Variants in RNF213 observed in about 807,000 individuals in gnomAD.
The protein encoded by RNF213 is ring finger protein 213.
In RNF213, 341 loss-of-function variants were observed where a neutral mutation model predicts 514.4. The ratio of observed to expected loss-of-function variants is 0.66; its 90% confidence interval spans 0.61 to 0.73. The LOEUF (loss-of-function observed/expected upper bound fraction) is 0.73. Ranked by LOEUF, RNF213 falls within the 30% of genes least tolerant of loss-of-function variation. RNF213 has a pLI of 0.00. For synonymous variants in RNF213, 2,655 were observed against 2,658.2 expected, an observed-to-expected ratio of 1.00 and a Z score of 0.04; for missense variants, 5,767 against 6,615.6, an observed-to-expected ratio of 0.87 and a Z score of 4.45.
At chr17:80,304,588 C>T (rs550910645) in intron 11 of RNF213, among the ~76,000 whole-genome samples, 79 of 151,416 alleles carry the variant, frequency 5.2e-4, no homozygotes, top group African/African-American at 1.7e-3. Flanking sequence ...TGCAGTGAGC[C>T]GAGATCACAC....
At chr17:80,267,571 A>C (rs960919037) in intron 2 of RNF213, among the ~76,000 whole-genome samples, 8 of 152,240 alleles carry the variant, frequency 5.3e-5, no homozygotes, top group Non-Finnish European at 1.2e-4. Flanking sequence ...CTTAAACCAC[A>C]GCCGAATCCA....
chr17:80,305,914 C>T (rs146838631), intron 11 of RNF213, among the ~76,000 whole-genome samples: 6 of 151,966 alleles, frequency 3.9e-5, no homozygotes, highest in African/African-American at 7.2e-5. Context: ...CCACCACGCC[C>T]GGCCATTAAG....
At chr17:80,331,098 C>T (rs772098318) in intron 20 of RNF213, among the ~76,000 whole-genome samples, 10 of 152,216 alleles carry the variant, frequency 6.6e-5, no homozygotes, top group South Asian at 2.1e-4. Flanking sequence ...GGATTACGGG[C>T]GTGAGCCACT....
intron 11 of RNF213, 109 bp from the exon 12 acceptor site, chr17:80,306,143 A>G: frequency 2.7e-6 from 3 of 1,096,874 alleles, no homozygotes; most frequent in Non-Finnish European, 4.2e-6. Context: ...TAGTATTTAA[A>G]TCATTTTTGA....
chr17:80,328,231 C>T (rs767581628), intron 19 of RNF213, 97 bp from the exon 20 acceptor site: 17 of 1,372,948 alleles, frequency 1.2e-5, no homozygotes, highest in Non-Finnish European at 1.6e-5. Flanking sequence ...AGTCCTTCTC[C>T]TGGTGGCGGG....
chr17:80,327,472 C>A (rs540481629), intron 18 of RNF213, among the ~76,000 whole-genome samples: 1 of 149,252 alleles, frequency 6.7e-6, no homozygotes, highest in Non-Finnish European at 1.5e-5. Context: ...CAGAGAGAGA[C>A]CCTGTCAAAA....
rs749374273 is a variant in RNF213 at position 80,353,980 on chromosome 17, A to T, written c.10579-39A>T. 6 of 1,612,924 alleles carry T rather than the reference A, an allele frequency of 3.7e-6. No individual in the cohort carries two copies. In the African/African-American group the frequency reaches 6.7e-5, roughly 18 times the overall value. On this transcript the variant is annotated intron_variant, in intron 34 of 67. Coordinates refer to ENST00000582970, the MANE Select transcript of RNF213 (RefSeq NM_001256071.3). This position sits in a 1 kb window ranked among gnomAD's most constrained non-coding sequence, Gnocchi z 5.0. ...CGGTTTGGCTTTTGCCCACTGTGTCAGTGGCAGAAACGGATGACCCAACCG... is the reference window on the plus strand; with the variant it reads ...CGGTTTGGCTTTTGCCCACTGTGTCTGTGGCAGAAACGGATGACCCAACCG...
In RNF213 at chr17:80,288,220, C is replaced by A; in HGVS notation, c.667C>A (p.Pro223Thr). Reference protein sequence around the residue: ...GRGLSQEGTGPPTSAGEGHSR... With the variant: ...GRGLSQEGTGTPTSAGEGHSR... ...AGGCCTGTCCCAGGAGGGGACCGGT[C>A]CCCCCACCTCTGCTGGTGAAGGCCA... The change falls in exon 4 of 68, where the codon CCC becomes ACC. Residue 223 changes from proline (P) to threonine (T), a missense_variant. Around this residue, in one of 13 missense-constraint regions of RNF213, gnomAD observed 509 missense variants for 496.7 expected, o/e 1.02. Transcript: ENST00000582970. The surrounding 1 kb of genome is among the most constrained non-coding windows in gnomAD (Gnocchi z 4.9). 1 of 1,613,054 alleles carries A rather than the reference C, an allele frequency of 6.2e-7. No homozygotes were observed. The highest frequency in any genetic ancestry group is 2.2e-5 in the East Asian group (1 of 44,868).
Position 80,290,715 on chromosome 17 carries a change from C to T in RNF213, c.1258C>T (p.Leu420=). The change falls in exon 7 of 68, where the codon CTG becomes TTG. Residue 420 remains leucine, a synonymous_variant. Coordinates refer to ENST00000582970, the MANE Select transcript of RNF213 (RefSeq NM_001256071.3). Reference sequence around the variant, plus strand: ...AAAATGGGACAGCAATATCTGTGAGCTGCACTACACCAGGTGAGCGTGTCT... The same window carrying T: ...AAAATGGGACAGCAATATCTGTGAGTTGCACTACACCAGGTGAGCGTGTCT... ...ESKWDSNICE[L]HYTRDLGHDR... is the part of the protein sequence containing the mutation. 6.2e-7 allele frequency: 1 copy of T among 1,614,180 alleles called. No homozygotes were observed. Among genetic ancestry groups the T allele is most frequent in the Non-Finnish European group, 8.5e-7 (1 of 1,180,034 alleles).
In RNF213 at chr17:80,319,117, G is replaced by T. The variant is rs2046049482; in HGVS notation, c.2902-73G>T. 11 of 1,613,070 alleles carry T rather than the reference G, an allele frequency of 6.8e-6. No individual in the cohort carries two copies. The South Asian group carries it at 1.1e-4, about 16-fold the overall frequency. On this transcript the variant is annotated intron_variant, in intron 16 of 67. Transcript: ENST00000582970. ...CAGCAGGAAAGTAAAAATGATGAAA[G>T]AATTTTCATCCCATAGAGCACTGGA... is the stretch of plus-strand genomic sequence containing the variant.
chr17:80,342,690 CTATA>C (rs953543539), intron 26 of RNF213, among the ~76,000 whole-genome samples: 12 of 143,670 alleles, frequency 8.4e-5, no homozygotes, highest in African/African-American at 2.1e-4. Flanking sequence ...TCCATATATA[CTATA>C]TATATTCTAT....
Position 80,281,340 on chromosome 17 carries a change from A to C in RNF213, c.262-6475A>C, listed in dbSNP as rs1436960309. ...ACTCACACCACTCACACACGCCCCC[A>C]CACACACACCCCACTCACACACACC... On this transcript the variant is annotated intron_variant, in intron 3 of 67. Coordinates refer to ENST00000582970, the MANE Select transcript of RNF213 (RefSeq NM_001256071.3). Among the ~76,000 whole-genome samples the C allele has an allele frequency of 2.2e-4, 7 of 32,328 alleles. No individual in the cohort carries two copies. The East Asian group carries it at 3.8e-3, about 18-fold the overall frequency. The allele number at this position is 32,328 out of a possible 152,430, so 21.2% of individuals were successfully genotyped here.
Position 80,319,323 on chromosome 17 carries a change from T to G in RNF213, c.3024+11T>G, listed in dbSNP as rs2046057999. The G allele has an allele frequency of 1.2e-6, 2 of 1,614,004 alleles. No individual in the cohort carries two copies. Among genetic ancestry groups the G allele is most frequent in the African/African-American group, 2.7e-5 (2 of 74,916 alleles). ...AGCTCAGCCTGCCAGGTGAACAATC[T>G]CTCCTCCTGGGAAACGGATTCGGGC... On this transcript the variant is annotated intron_variant, in intron 17 of 67. Coordinates refer to ENST00000582970, the MANE Select transcript of RNF213 (RefSeq NM_001256071.3).
In RNF213 at chr17:80,340,129, G is replaced by A. The variant is rs776048832; in HGVS notation, c.5762G>A (p.Arg1921Gln). 1.4e-5 allele frequency: 23 copies of A among 1,613,552 alleles called. No individual in the cohort carries two copies. In the Admixed American group the frequency reaches 2.7e-4, roughly 19 times the overall value. The change falls in exon 26 of 68, where the codon CGA (arginine) becomes CAA (glutamine). Residue 1921 changes from arginine to glutamine, a missense_variant. By Grantham distance (43) the Arg-to-Gln change is conservative (BLOSUM62 1). This residue lies in a region of RNF213 where 1,377 missense variants were observed against 1,635.2 expected (regional missense o/e 0.84). Coordinates refer to ENST00000582970, the MANE Select transcript of RNF213 (RefSeq NM_001256071.3). ...CACAATCTGTGCACGCAGCAGCACC[G>A]AGAAGACTACCAGCTCGTCATGGTC... ...LFHNLCTQQH[R>Q]EDYQLVMVCD... is the part of the protein sequence containing the mutation.
At chr17:80,367,646 C>A in intron 42 of RNF213, 102 bp from the exon 43 acceptor site, 2 of 845,340 alleles carry the variant, frequency 2.4e-6, no homozygotes, top group South Asian at 1.4e-5. Context: ...CCCACACACA[C>A]GGCGCAGCCT....
rs769678289 is a variant in RNF213 at position 80,376,512 on chromosome 17, A to C, written c.13397A>C (p.Lys4466Thr). The change falls in exon 52 of 68, where the codon AAG becomes ACG. Residue 4466 changes from lysine (K) to threonine (T), a missense_variant. This residue lies in a region of RNF213 where 1,245 missense variants were observed against 1,339.0 expected (regional missense o/e 0.93). Transcript: ENST00000582970. ...CGQNELLEPL[K>T]NLAFSPATMA... ...CAGAATGAACTCTTGGAGCCCCTAA[A>C]GAATCTGGCCTTCTCCCCAGCCACC... 2 of 1,613,998 alleles carry C rather than the reference A, an allele frequency of 1.2e-6. No homozygotes were observed. Among genetic ancestry groups the C allele is most frequent in the African/African-American group, 2.7e-5 (2 of 74,916 alleles).
chr17:80,265,798 C>T (rs754058658), intron 2 of RNF213, among the ~76,000 whole-genome samples: 4 of 152,090 alleles, frequency 2.6e-5, no homozygotes, highest in African/African-American at 4.8e-5. Flanking sequence ...AGCCGGATGC[C>T]GTGGTTCACA....
chr17:80,368,523 C>T (rs1367102230), intron 44 of RNF213, among the ~76,000 whole-genome samples: 1 of 151,286 alleles, frequency 6.6e-6, no homozygotes, highest in Non-Finnish European at 1.5e-5. Context: ...ACCTTCACCT[C>T]CTGGGTTCAG....
chr17:80,299,177 T>C (rs2045079738), intron 11 of RNF213, among the ~76,000 whole-genome samples: 1 of 152,090 alleles, frequency 6.6e-6, no homozygotes, highest in African/African-American at 2.4e-5. Context: ...TTAACAGTAT[T>C]TTGTGAACCA....
Sources: gnomAD v4.1 joint callset for allele counts (sites outside exome capture counted in the v4.1 genomes callset) on GRCh38, gnomAD v4.1.1 for gene constraint, gnomAD v4.1.1 regional missense constraint, Gnocchi (gnomAD v3.1) non-coding constraint, MANE v1.5 for transcripts, NCBI Gene and HGNC (gene_info 2026-07-23, HGNC 2026-07-21) for gene names.